The following GSDMD variants were observed in gnomAD, a reference collection of about 807,000 sequenced individuals.
GSDMD encodes the protein gasdermin D, also known as gasdermin-D.
GSDMD carries 46 observed loss-of-function variants against 46.7 expected under a neutral mutation model. That is an observed-to-expected ratio of 0.99 (90% CI 0.78 to 1.26). The LOEUF (loss-of-function observed/expected upper bound fraction) is 1.26. Ranked by LOEUF, GSDMD falls within the 50% of genes most tolerant of loss-of-function variation. The probability of loss-of-function intolerance (pLI) is 0.00; values close to 1 mark genes in which losing one functional copy is unlikely to be tolerated. For synonymous variants in GSDMD, 307 were observed against 283.1 expected, an observed-to-expected ratio of 1.08 and a Z score of -0.85; for missense variants, 649 against 638.8, an observed-to-expected ratio of 1.02 and a Z score of -0.17.
rs1268505734 is a variant in GSDMD at position 143,558,360 on chromosome 8, A to C, written c.-96A>C. 9.8e-6 allele frequency: 15 copies of C among 1,523,730 alleles called. No homozygotes were observed. The highest frequency in any genetic ancestry group is 1.4e-5 in the African/African-American group (1 of 71,500). The allele number at this position is 1,523,730 out of a possible 1,614,324, so 94.4% of individuals were successfully genotyped here. A position where few individuals can be genotyped will look rare whatever the true frequency, so the allele number is the denominator to read the frequency against. On this transcript the variant is annotated 5_prime_UTR_variant, in exon 1 of 11. Transcript: ENST00000262580. ...TGCGTCAGGTTGCAGTTTCACTTTT[A>C]GCTCTGGGCACCTCCAGCTCCTGCT...
Position 143,562,112 on chromosome 8 carries a change from T to G in GSDMD, c.977T>G (p.Leu326Arg), listed in dbSNP as rs1016958870. 1 of 1,597,368 alleles carries G rather than the reference T, an allele frequency of 6.3e-7. No individual in the cohort carries two copies. The highest frequency in any genetic ancestry group is 1.3e-5 in the African/African-American group (1 of 74,836). Residue 326 changes from leucine (L) to arginine (R), a missense_variant, in exon 8 of 11, where the codon CTG becomes CGG. Physicochemically the swap from Leu to Arg is moderately radical, Grantham distance 102. Coordinates refer to ENST00000262580, the MANE Select transcript of GSDMD (RefSeq NM_024736.7). The part of the protein sequence containing the change: ...LEGVLRDQLA[L>R]RALEEALEQG... ...GGGGTGCTGCGGGACCAGCTGGCCC[T>G]GCGAGCCTTGGAGGAGGCGGTGAGC...
upstream of GSDMD, among the ~76,000 whole-genome samples, chr8:143,554,462 C>T (rs1200902914): frequency 6.6e-6 from 1 of 151,904 alleles, no homozygotes; most frequent in East Asian, 1.9e-4. Flanking sequence ...TGCATGCACA[C>T]GCGCACATGT....
chr8:143,557,806 A>C, upstream of GSDMD: 4 of 333,752 alleles, frequency 1.2e-5, no homozygotes, highest in Non-Finnish European at 2.4e-5. Flanking sequence ...GGTGTTGAGC[A>C]TCTTTGCATT....
At position 143,559,984 on chromosome 8, in the gene GSDMD, G is replaced by GGCAGGGCAGA. The variant is rs772866569; in HGVS notation, c.410+24_410+25insAGCAGGGCAG. 2 of 1,568,102 alleles carry GGCAGGGCAGA rather than the reference G, an allele frequency of 1.3e-6. No individual in the cohort carries two copies. The highest frequency in any genetic ancestry group is 3.5e-5 in the Admixed American group (2 of 57,700). ...CTCCATGAGAGGTGGGCCCGAAGAG[G>GGCAGGGCAGA]GCAGGGCAGGGCAGGGCCCCACCTA... On this transcript the variant is annotated intron_variant, in intron 3 of 10. Transcript: ENST00000262580.
In GSDMD at chr8:143,562,579, G is replaced by A. The variant is rs538636838; in HGVS notation, c.1212+58G>A. 8.0e-4 allele frequency: 1,272 copies of A among 1,597,106 alleles called. 16 individuals carry two copies. The South Asian group carries it at 0.013, about 17-fold the overall frequency. On this transcript the variant is annotated intron_variant, in intron 10 of 10. Coordinates refer to ENST00000262580, the MANE Select transcript of GSDMD (RefSeq NM_024736.7). ...GGGCTGAGCCAGTGGAAGGGGCCCT[G>A]TGGCACCTGGGAAGGGGTGGTATGG...
chr8:143,561,458 G>T (rs1180299090), intron 6 of GSDMD, 35 bp downstream of exon 6: 2 of 1,596,898 alleles, frequency 1.3e-6, no homozygotes, highest in South Asian at 2.2e-5. Flanking sequence ...GGGGTGTCCG[G>T]TGGGAAAAGC....
upstream of GSDMD, among the ~76,000 whole-genome samples, chr8:143,556,321 A>T (rs1823295826): frequency 6.6e-6 from 1 of 152,204 alleles, no homozygotes; most frequent in Admixed American, 6.5e-5. Flanking sequence ...CAGAGGTTGC[A>T]ATGAGCTGAG....
upstream of GSDMD, among the ~76,000 whole-genome samples, chr8:143,556,982 C>T (rs950161478): frequency 2.6e-5 from 4 of 152,264 alleles, no homozygotes; most frequent in African/African-American, 7.2e-5. Context: ...GAAAGAAACC[C>T]CAAACCAGCA....
rs764248550 is a variant in GSDMD, at chr8:143,562,488, G to A, written c.1179G>A (p.Leu393=). The part of the protein sequence containing the change: ...ETQHKLLAEA[L]ESQTLLGPLE... Reference sequence around the variant, plus strand: ...AGCACAAGCTGCTGGCGGAGGCGCTGGAGTCGCAGACCCTGTTGGGGCCGC... The same window carrying A: ...AGCACAAGCTGCTGGCGGAGGCGCTAGAGTCGCAGACCCTGTTGGGGCCGC... Residue 393 remains leucine, a synonymous_variant, in exon 10 of 11, where the codon CTG becomes CTA. Transcript: ENST00000262580. 2 of 1,608,808 alleles carry A rather than the reference G, an allele frequency of 1.2e-6. No homozygotes were observed. Among genetic ancestry groups the A allele is most frequent in the South Asian group, 1.1e-5 (1 of 90,872 alleles).
Position 143,558,389 on chromosome 8 carries a change from C to G in GSDMD, c.-67C>G. 1 of 1,518,556 alleles carries G rather than the reference C, an allele frequency of 6.6e-7. No individual in the cohort carries two copies. The highest frequency in any genetic ancestry group is 8.8e-7 in the Non-Finnish European group (1 of 1,139,770). The allele number at this position is 1,518,556 out of a possible 1,614,324, so 94.1% of individuals were successfully genotyped here. The stretch of plus-strand genomic sequence containing the variant: ...CTGGGCACCTCCAGCTCCTGCTCGC[C>G]GGACGGCTCCCAGGGAGAGCAGACG... On this transcript the variant is annotated 5_prime_UTR_variant, in exon 1 of 11. Coordinates refer to ENST00000262580, the MANE Select transcript of GSDMD (RefSeq NM_024736.7).
Position 143,562,064 on chromosome 8 carries a change from A to C in GSDMD, c.929A>C (p.Gln310Pro). ...ELELLDRELCQLLLEGLEGVL... is the reference protein window; with the variant it reads ...ELELLDRELCPLLLEGLEGVL... ...GAGCTTTTGGACAGAGAGCTGTGCC[A>C]GCTGCTGCTGGAGGGCCTGGAGGGG... Residue 310 changes from glutamine to proline, a missense_variant, in exon 8 of 11, where the codon CAG (glutamine) becomes CCG (proline). Gln to Pro is a moderately conservative substitution (Grantham distance 76). Transcript: ENST00000262580. The C allele has an allele frequency of 6.3e-7, 1 of 1,597,250 alleles. No individual in the cohort carries two copies. The highest frequency in any genetic ancestry group is 8.5e-7 in the Non-Finnish European group (1 of 1,176,854).
rs1248816475 is a variant in GSDMD at position 143,562,823 on chromosome 8, G to A, written c.1374G>A (p.Trp458Ter). 6.2e-7 allele frequency: 1 copy of A among 1,609,158 alleles called. No homozygotes were observed. The highest frequency in any genetic ancestry group is 1.7e-5 in the Admixed American group (1 of 59,662). Residue 458 changes from tryptophan to a stop codon, truncating the protein, a stop_gained, in exon 11 of 11, where the codon TGG becomes TGA. Coordinates refer to ENST00000262580, the MANE Select transcript of GSDMD (RefSeq NM_024736.7). LOFTEE classifies it low-confidence loss of function (END_TRUNC). ...ELGEDTPHVC[W>*]EPQAQGRMCA... ...GGGAGGACACTCCCCACGTGTGCTGGGAGCCGCAGGCCCAGGGCCGCATGT... is the reference window on the plus strand; with the variant it reads ...GGGAGGACACTCCCCACGTGTGCTGAGAGCCGCAGGCCCAGGGCCGCATGT...
At chr8:143,562,616 A>C in intron 10 of GSDMD, 46 bp from the exon 11 acceptor site, 2 of 1,598,956 alleles carry the variant, frequency 1.3e-6, no homozygotes, top group South Asian at 1.1e-5. Context: ...CAGGCACAAG[A>C]TGCCCAGATT....
chr8:143,556,294 C>T (rs913623366), upstream of GSDMD, among the ~76,000 whole-genome samples: 4 of 152,086 alleles, frequency 2.6e-5, no homozygotes, highest in Non-Finnish European at 5.9e-5. Flanking sequence ...GCAGGAGAAT[C>T]GCTTGAACCT....
At position 143,562,680 on chromosome 8, in the gene GSDMD, C is replaced by T; in HGVS notation, c.1231C>T (p.Gln411Ter). 6.2e-7 allele frequency: 1 copy of T among 1,606,496 alleles called. No homozygotes were observed. Among genetic ancestry groups the T allele is most frequent in the South Asian group, 1.1e-5 (1 of 90,092 alleles). ...PLELVGSLLE[Q>*]SAPWQERSTM... Reference sequence around the variant, plus strand: ...TTGGCAGGTGGGCAGCCTCTTGGAGCAGAGTGCCCCGTGGCAGGAGCGCAG... The same window carrying T: ...TTGGCAGGTGGGCAGCCTCTTGGAGTAGAGTGCCCCGTGGCAGGAGCGCAG... Residue 411 changes from glutamine (Q) to a stop codon, truncating the protein, a stop_gained, in exon 11 of 11, where the codon CAG (glutamine) becomes TAG (stop). Transcript: ENST00000262580. LOFTEE classifies it low-confidence loss of function (END_TRUNC).
chr8:143,559,298 AGAG>A, intron 1 of GSDMD, 31 bp from the exon 2 acceptor site: 1 of 441,382 alleles, frequency 2.3e-6, no homozygotes, highest in Non-Finnish European at 4.6e-6. Context: ...GCCCGCCCCG[AGAG>A]CACAATGCCT....
chr8:143,562,709 C>A lies in GSDMD; in HGVS notation c.1260C>A (p.Thr420=), dbSNP rs1205894473. 2 of 1,598,466 alleles carry A rather than the reference C, an allele frequency of 1.3e-6. No homozygotes were observed. Among genetic ancestry groups the A allele is most frequent in the Admixed American group, 3.4e-5 (2 of 58,128 alleles). The change falls in exon 11 of 11, where the codon ACC becomes ACA. Residue 420 remains threonine (T), a synonymous_variant. Coordinates refer to ENST00000262580, the MANE Select transcript of GSDMD (RefSeq NM_024736.7). ...EQSAPWQERS[T]MSLPPGLLGN... Reference sequence around the variant, plus strand: ...GTGCCCCGTGGCAGGAGCGCAGCACCATGTCCCTGCCCCCCGGGCTCCTGG... The same window carrying A: ...GTGCCCCGTGGCAGGAGCGCAGCACAATGTCCCTGCCCCCCGGGCTCCTGG...
upstream of GSDMD, among the ~76,000 whole-genome samples, chr8:143,556,469 CA>C (rs1399557409): frequency 2.0e-5 from 3 of 152,192 alleles, no homozygotes; most frequent in Non-Finnish European, 4.4e-5. Context: ...CACTTGAGCC[CA>C]GGAGGTCGAG....
chr8:143,562,751 A>C lies in GSDMD; in HGVS notation c.1302A>C (p.Glu434Asp). Residue 434 changes from glutamate (E) to aspartate (D), a missense_variant, in exon 11 of 11, where the codon GAA (glutamate) becomes GAC (aspartate). Transcript: ENST00000262580. ...GGCTCCTGGGGAACAGCTGGGGCGA[A>C]GGAGCACCGGCCTGGGTCTTGCTGG... The part of the protein sequence containing the change: ...PPGLLGNSWG[E>D]GAPAWVLLDE... The C allele has an allele frequency of 6.3e-7, 1 of 1,587,106 alleles. No homozygotes were observed.
Sources: allele counts gnomAD v4.1 joint callset (sites outside exome capture counted in the v4.1 genomes callset), GRCh38; gene constraint gnomAD v4.1.1; transcripts MANE v1.5; gene names NCBI Gene and HGNC (gene_info 2026-07-23, HGNC 2026-07-21).